The following TMPRSS11A variants were observed in gnomAD, a reference collection of about 807,000 sequenced individuals.
The protein encoded by TMPRSS11A is transmembrane serine protease 11A, also known as transmembrane protease serine 11A.
A neutral mutation model predicts 58.9 loss-of-function variants in TMPRSS11A; 53 were observed. The observed-to-expected ratio is 0.90, with a 90% CI of 0.72 to 1.13. TMPRSS11A has a LOEUF of 1.13. Among genes scored for constraint, TMPRSS11A ranks in the 50% most tolerant of loss-of-function variants. TMPRSS11A has a pLI of 0.00. For missense variants in TMPRSS11A, 493 were observed against 499.3 expected (o/e 0.99, Z 0.12); for synonymous variants, 167 against 169.8 (o/e 0.98, Z 0.13).
chr4:67,912,065 A>G (rs530829872), intron 9 of TMPRSS11A, among the ~76,000 whole-genome samples: 39 of 152,294 alleles, frequency 2.6e-4, no homozygotes, highest in Middle Eastern at 3.4e-3. Flanking sequence ...TTAATTGAAG[A>G]GTCAAGTAAC....
At chr4:67,930,106 T>G (rs1258569601) in intron 4 of TMPRSS11A, 66 bp from the exon 5 acceptor site, 1 of 1,435,168 alleles carries the variant, frequency 7.0e-7, no homozygotes, top group African/African-American at 1.4e-5. Context: ...CAGTCTTACC[T>G]GTATCTTCCT....
chr4:67,945,393 A>G (rs1273354283), intron 2 of TMPRSS11A, among the ~76,000 whole-genome samples: 2 of 152,198 alleles, frequency 1.3e-5, no homozygotes, highest in African/African-American at 4.8e-5. Context: ...TCGAGACTAC[A>G]AACCAAGGAA....
At position 67,928,400 on chromosome 4, in the gene TMPRSS11A, T is replaced by C. The variant is rs933414584; in HGVS notation, c.481+1480A>G. ...TAGCATATCCTACCATTTAATTTAG[T>C]ACAATTATTAAAATAAGCTGAAGTT... On this transcript the variant is annotated intron_variant, in intron 5 of 9. Transcript: ENST00000508048. 3.9e-5 allele frequency among the ~76,000 whole-genome samples: 6 copies of C among 152,160 alleles called. No homozygotes were observed. In the South Asian group the frequency reaches 1.2e-3, roughly 32 times the overall value.
At chr4:67,947,464 G>A (rs1356953917) in intron 1 of TMPRSS11A, among the ~76,000 whole-genome samples, 6 of 152,026 alleles carry the variant, frequency 3.9e-5, no homozygotes, top group African/African-American at 1.4e-4. Context: ...CTTACTTTCT[G>A]GACTTGTCTG....
intron 8 of TMPRSS11A, among the ~76,000 whole-genome samples, chr4:67,917,512 G>C (rs1245514885): frequency 6.6e-6 from 1 of 152,134 alleles, no homozygotes; most frequent in East Asian, 1.9e-4. Context: ...TTACAGACTT[G>C]AATATAGCCT....
chr4:67,913,774 T>C (rs1163262446), intron 9 of TMPRSS11A, among the ~76,000 whole-genome samples: 1 of 152,180 alleles, frequency 6.6e-6, no homozygotes, highest in Admixed American at 6.5e-5. Flanking sequence ...CTGATAGAGG[T>C]CGCACATGTG....
intron 1 of TMPRSS11A, among the ~76,000 whole-genome samples, chr4:67,951,101 T>G (rs922890458): frequency 6.6e-6 from 1 of 152,212 alleles, no homozygotes; most frequent in Non-Finnish European, 1.5e-5. Flanking sequence ...TAACACATTA[T>G]CCTTACTCAG....
At chr4:67,924,801 A>T (rs900370543) in intron 5 of TMPRSS11A, among the ~76,000 whole-genome samples, 28 of 152,130 alleles carry the variant, frequency 1.8e-4, no homozygotes, top group Admixed American at 6.5e-5. Context: ...ATCTCCCACC[A>T]GGTCCCTCTC....
Position 67,946,563 on chromosome 4 carries a change from C to T in TMPRSS11A, c.20G>A (p.Gly7Glu). The T allele has an allele frequency of 1.2e-6, 2 of 1,611,380 alleles. No individual in the cohort carries two copies. Among genetic ancestry groups the T allele is most frequent in the Non-Finnish European group, 1.7e-6 (2 of 1,178,818 alleles). ...CAGATTTCTGCTTCGGGTGCCAAAT[C>T]CCACTGTCCTGAGAAAAGGAAGGGC... MMYRTV[G>E]FGTRSRNLKP... Residue 7 changes from glycine to glutamate, a missense_variant, in exon 2 of 10, where the codon GGA (glycine) becomes GAA (glutamate). Transcript: ENST00000508048.
At chr4:67,928,382 T>A (rs2109746386) in intron 5 of TMPRSS11A, among the ~76,000 whole-genome samples, 1 of 152,276 alleles carries the variant, frequency 6.6e-6, no homozygotes, top group Non-Finnish European at 1.5e-5. Context: ...CATTAGCATA[T>A]CCTACCATTT....
intron 3 of TMPRSS11A, among the ~76,000 whole-genome samples, chr4:67,937,225 C>T (rs1455172864): frequency 2.0e-5 from 3 of 152,104 alleles, no homozygotes; most frequent in East Asian, 3.9e-4. Context: ...GCATACCCAT[C>T]CACACCTTTC....
intron 9 of TMPRSS11A, among the ~76,000 whole-genome samples, chr4:67,913,727 G>A (rs1016047057): frequency 7.2e-5 from 11 of 152,140 alleles, no homozygotes; most frequent in African/African-American, 2.7e-4. Context: ...TCCTGCTTTT[G>A]CCCAGCCTCT....
chr4:67,936,375 T>G (rs1463366630), intron 3 of TMPRSS11A, among the ~76,000 whole-genome samples: 1 of 148,130 alleles, frequency 6.8e-6, no homozygotes, highest in Middle Eastern at 3.5e-3. Context: ...CTATGAACCA[T>G]TCTCTCAAGC....
At chr4:67,934,512 ATAGCAT>A (rs1373429330) in intron 3 of TMPRSS11A, among the ~76,000 whole-genome samples, 1 of 152,202 alleles carries the variant, frequency 6.6e-6, no homozygotes, top group East Asian at 1.9e-4. Flanking sequence ...ATACAACCTA[ATAGCAT>A]TAGCAATTTG....
intron 1 of TMPRSS11A, among the ~76,000 whole-genome samples, chr4:67,956,707 G>A (rs1721299359): frequency 6.6e-6 from 1 of 152,176 alleles, no homozygotes; most frequent in Non-Finnish European, 1.5e-5. Context: ...CACCCACTGT[G>A]GAATCATATG....
intron 9 of TMPRSS11A, among the ~76,000 whole-genome samples, chr4:67,914,285 T>C (rs1443698487): frequency 6.6e-6 from 1 of 152,156 alleles, no homozygotes; most frequent in Non-Finnish European, 1.5e-5. Flanking sequence ...ACTTTATACT[T>C]CTCTGTTTAT....
rs1202603566 is a variant in TMPRSS11A at position 67,946,590 on chromosome 4, C to T, written c.12-19G>A. On this transcript the variant is annotated intron_variant, in intron 1 of 9. Coordinates refer to ENST00000508048, the MANE Select transcript of TMPRSS11A (RefSeq NM_001114387.2). ...CACTGTCCTGAGAAAAGGAAGGGCC[C>T]ACTGGTTACTCTCAGATAGCAATGC... 1.2e-6 allele frequency: 2 copies of T among 1,602,130 alleles called. No individual in the cohort carries two copies. The highest frequency in any genetic ancestry group is 1.7e-4 in the Middle Eastern group (1 of 6,014).
intron 6 of TMPRSS11A, 48 bp from the exon 7 acceptor site, chr4:67,922,974 C>T (rs779432648): frequency 1.3e-6 from 2 of 1,589,330 alleles, no homozygotes; most frequent in South Asian, 1.1e-5. Context: ...CTTGTAATTA[C>T]AGGAAATGAC....
chr4:67,955,363 C>T (rs551508601), intron 1 of TMPRSS11A, among the ~76,000 whole-genome samples: 6 of 152,274 alleles, frequency 3.9e-5, no homozygotes, highest in African/African-American at 1.4e-4. Flanking sequence ...TATGTTTGCA[C>T]GTGTGTGTAC....
Sources: allele counts gnomAD v4.1 joint callset (sites outside exome capture counted in the v4.1 genomes callset), GRCh38; gene constraint gnomAD v4.1.1; transcripts MANE v1.5; gene names NCBI Gene and HGNC (gene_info 2026-07-23, HGNC 2026-07-21).